The following TBC1D2B variants were observed in gnomAD, a reference collection of about 807,000 sequenced individuals.
TBC1D2B encodes TBC1 domain family, member 2B.
A neutral mutation model predicts 100.8 loss-of-function variants in TBC1D2B; 64 were observed. The observed-to-expected ratio is 0.64, with a 90% CI of 0.52 to 0.78. TBC1D2B has a LOEUF of 0.78. Ranked by LOEUF, TBC1D2B falls within the 30% of genes least tolerant of loss-of-function variation. The pLI, the probability that TBC1D2B is intolerant of heterozygous loss-of-function variation, is 0.00. For missense variants in TBC1D2B, 1,052 were observed against 1,218.4 expected (o/e 0.86, Z 2.03); for synonymous variants, 480 against 479.7 (o/e 1.00, Z -0.01).
intron 3 of TBC1D2B, among the ~76,000 whole-genome samples, chr15:78,041,550 T>C (rs1283342889): frequency 6.6e-6 from 1 of 152,240 alleles, no homozygotes; most frequent in African/African-American, 2.4e-5. Flanking sequence ...TTGACCATAA[T>C]GTTGACAGCA....
At chr15:78,015,684 G>A (rs1015973651) in intron 8 of TBC1D2B, among the ~76,000 whole-genome samples, 12 of 152,142 alleles carry the variant, frequency 7.9e-5, no homozygotes, top group African/African-American at 2.9e-4. Context: ...TCCATACTCC[G>A]CTTCTTCACT....
intron 1 of TBC1D2B, among the ~76,000 whole-genome samples, chr15:78,061,089 T>C (rs1049430806): frequency 1.9e-4 from 26 of 139,944 alleles, no homozygotes; most frequent in African/African-American, 6.5e-4. Context: ...CTATTAGAAA[T>C]ATAAATTTAC....
intron 2 of TBC1D2B, among the ~76,000 whole-genome samples, chr15:78,053,568 A>G (rs929394458): frequency 2.0e-5 from 3 of 152,252 alleles, no homozygotes; most frequent in African/African-American, 7.2e-5. Flanking sequence ...TGAATCCAGG[A>G]TAGAATGAAA....
At chr15:78,042,682 G>C (rs945565397) in intron 3 of TBC1D2B, among the ~76,000 whole-genome samples, 5 of 152,164 alleles carry the variant, frequency 3.3e-5, no homozygotes, top group African/African-American at 1.2e-4. Context: ...GCACAGGGCA[G>C]ACAGGCACAT....
chr15:78,054,273 CA>C (rs2073374928), intron 1 of TBC1D2B, 86 bp from the exon 2 acceptor site: 1 of 1,332,364 alleles, frequency 7.5e-7, no homozygotes, highest in East Asian at 2.7e-5. Context: ...GTAGACTGTT[CA>C]GCTTGCCATG....
At chr15:78,057,343 A>C (rs57156637) in intron 1 of TBC1D2B, among the ~76,000 whole-genome samples, 5,787 of 148,996 alleles carry the variant, frequency 0.039, 161 homozygotes, top group African/African-American at 0.073. Flanking sequence ...GTTTCCTTTC[A>C]AAAAAAAAAC....
At chr15:78,029,310 A>G (rs1199980411) in intron 4 of TBC1D2B, among the ~76,000 whole-genome samples, 1 of 152,136 alleles carries the variant, frequency 6.6e-6, no homozygotes, top group Non-Finnish European at 1.5e-5. Context: ...GCCCACCCTC[A>G]GCCTCCCAAA....
chr15:78,051,153 C>T (rs906904743), intron 2 of TBC1D2B, among the ~76,000 whole-genome samples: 1 of 152,216 alleles, frequency 6.6e-6, no homozygotes, highest in Non-Finnish European at 1.5e-5. Flanking sequence ...CCACAAACTG[C>T]TTATCATGTG....
chr15:78,051,959 C>A (rs1434298736), intron 2 of TBC1D2B, among the ~76,000 whole-genome samples: 1 of 152,190 alleles, frequency 6.6e-6, no homozygotes, highest in Non-Finnish European at 1.5e-5. Flanking sequence ...TCGAAGCTAT[C>A]TAAAAATTAA....
intron 9 of TBC1D2B, among the ~76,000 whole-genome samples, chr15:78,011,202 C>T (rs1052827275): frequency 6.6e-6 from 1 of 152,204 alleles, no homozygotes; most frequent in Non-Finnish European, 1.5e-5. Flanking sequence ...CTCACCACCA[C>T]AGAGACAATG....
intron 2 of TBC1D2B, among the ~76,000 whole-genome samples, chr15:78,047,608 T>C (rs896241964): frequency 2.6e-5 from 4 of 152,138 alleles, no homozygotes; most frequent in African/African-American, 9.7e-5. Context: ...TAAGATTTCA[T>C]TTGGAAAAGA....
At chr15:78,042,884 T>C (rs2073118668) in intron 3 of TBC1D2B, among the ~76,000 whole-genome samples, 1 of 152,068 alleles carries the variant, frequency 6.6e-6, no homozygotes, top group East Asian at 1.9e-4. Flanking sequence ...GGAGATGACA[T>C]GATCAGAGCT....
chr15:78,055,725 C>T (rs980962351), intron 1 of TBC1D2B, among the ~76,000 whole-genome samples: 5 of 152,198 alleles, frequency 3.3e-5, no homozygotes, highest in African/African-American at 1.2e-4. Context: ...GGGTATTTTA[C>T]AGAAAGTTCT....
chr15:78,017,962 T>C lies in TBC1D2B; in HGVS notation c.1471-5A>G. The C allele has an allele frequency of 6.7e-7, 1 of 1,488,574 alleles. No homozygotes were observed. The highest frequency in any genetic ancestry group is 9.2e-7 in the Non-Finnish European group (1 of 1,092,878). The allele number at this position is 1,488,574 out of a possible 1,614,324, so 92.2% of individuals were successfully genotyped here. The stretch of plus-strand genomic sequence containing the variant: ...TTTGTACCCCTGTAGATTATCCTGT[T>C]AGAAAAAAAAAAAATCCCTGAATTC... On this transcript the variant is annotated splice_polypyrimidine_tract_variant and splice_region_variant and intron_variant, in intron 6 of 12. Coordinates refer to ENST00000300584, the MANE Select transcript of TBC1D2B (RefSeq NM_144572.2).
chr15:78,008,065 G>C (rs1326272306), intron 10 of TBC1D2B, among the ~76,000 whole-genome samples: 1 of 152,258 alleles, frequency 6.6e-6, no homozygotes, highest in Non-Finnish European at 1.5e-5. Context: ...CACGGGGACA[G>C]CTGTGGCTAA....
At position 78,073,045 on chromosome 15, in the gene TBC1D2B, C is replaced by CA. The variant is rs1403674969; in HGVS notation, c.360+4247dup. Among the ~76,000 whole-genome samples, 41 of 151,790 alleles carry CA rather than the reference C, an allele frequency of 2.7e-4. No homozygotes were observed. In the East Asian group the frequency reaches 7.1e-3, roughly 26 times the overall value. ...CGCCTTATCCGATCCCCAACAAAGT[C>CA]AAAAAAAAGCAGACTTGTCAGAACA... On this transcript the variant is annotated intron_variant, in intron 1 of 12. Transcript: ENST00000300584.
chr15:78,040,880 A>AAGAAAG (rs1275983230), intron 3 of TBC1D2B, among the ~76,000 whole-genome samples: 2 of 147,856 alleles, frequency 1.4e-5, no homozygotes, highest in Non-Finnish European at 3.0e-5. Flanking sequence ...GAAAGAAAGA[A>AAGAAAG]AGAGAGAGAG....
chr15:78,075,374 A>G lies in TBC1D2B; in HGVS notation c.360+1919T>C, dbSNP rs545173233. On this transcript the variant is annotated intron_variant, in intron 1 of 12. Transcript: ENST00000300584. The stretch of plus-strand genomic sequence containing the variant: ...CCACCATGCCTGGCTAATTTTTTGT[A>G]TATTTAATAGACATGGGGTGTCACC... Among the ~76,000 whole-genome samples, 9 of 151,986 alleles carry G rather than the reference A, an allele frequency of 5.9e-5. No individual in the cohort carries two copies. In the East Asian group the frequency reaches 1.5e-3, roughly 26 times the overall value.
In TBC1D2B at chr15:78,048,449, A is replaced by G. The variant is rs535294512; in HGVS notation, c.515-3381T>C. Among the ~76,000 whole-genome samples, 15 of 152,316 alleles carry G rather than the reference A, an allele frequency of 9.8e-5. No individual in the cohort carries two copies. The South Asian group carries it at 3.1e-3, about 32-fold the overall frequency. ...CTAGGACATGGCAACATTTCCTCGAAGATTTTAAGAGGCTGGACTAGTGTT... is the reference window on the plus strand; with the variant it reads ...CTAGGACATGGCAACATTTCCTCGAGGATTTTAAGAGGCTGGACTAGTGTT... On this transcript the variant is annotated intron_variant, in intron 2 of 12. Coordinates refer to ENST00000300584, the MANE Select transcript of TBC1D2B (RefSeq NM_144572.2).
Sources: gnomAD v4.1 joint callset for allele counts (sites outside exome capture counted in the v4.1 genomes callset) on GRCh38, gnomAD v4.1.1 for gene constraint, MANE v1.5 for transcripts, NCBI Gene and HGNC (gene_info 2026-07-23, HGNC 2026-07-21) for gene names.